CDH4: variants seen among roughly 807,000 people sequenced by gnomAD.
CDH4 encodes cadherin-4.
Under a neutral mutation model 86.0 loss-of-function variants are expected in CDH4, and 33 were observed. The ratio of observed to expected loss-of-function variants is 0.38; its 90% CI spans 0.29 to 0.51. The LOEUF (loss-of-function observed/expected upper bound fraction) is 0.51, where lower values mean the gene tolerates loss of function less well. Among genes scored for constraint, CDH4 ranks in the 20% least tolerant of loss-of-function variants. CDH4 has a pLI of 0.86. For missense variants in CDH4, 1,114 were observed against 1,307.4 expected (o/e 0.85, Z 2.28); for synonymous variants, 555 against 549.4 (o/e 1.01, Z -0.14).
In CDH4 at chr20:61,923,587, C is replaced by T; in HGVS notation, c.1511C>T (p.Ala504Val). Residue 504 changes from alanine to valine, a missense_variant, in exon 10 of 16, where the codon GCT (alanine) becomes GTT (valine). This residue lies in a region of CDH4 where 705 missense variants were observed against 914.1 expected (regional missense o/e 0.77). Coordinates refer to ENST00000614565, the MANE Select transcript of CDH4 (RefSeq NM_001794.5). The stretch of plus-strand genomic sequence containing the variant: ...ATCTCCATCATGGACATCAACGAGG[C>T]TCCCTACTTCCCCTCAAACCACAAG... Reference protein sequence around the residue: ...VTISIMDINEAPYFPSNHKLI... With the variant: ...VTISIMDINEVPYFPSNHKLI... 1.2e-6 allele frequency: 2 copies of T among 1,614,194 alleles called. No homozygotes were observed. Among genetic ancestry groups the T allele is most frequent in the Non-Finnish European group, 1.7e-6 (2 of 1,180,034 alleles).
intron 2 of CDH4, among the ~76,000 whole-genome samples, chr20:61,418,726 C>T (rs568511103): frequency 4.6e-5 from 7 of 152,172 alleles, no homozygotes; most frequent in African/African-American, 1.7e-4. Context: ...GTCTGGAGGC[C>T]GGAAGCCTGA....
chr20:61,734,459 G>A (rs756378138), intron 2 of CDH4, among the ~76,000 whole-genome samples: 24 of 152,242 alleles, frequency 1.6e-4, no homozygotes, highest in Admixed American at 6.5e-5. Flanking sequence ...GTGGCAGTGC[G>A]CTTGTGACAT....
intron 11 of CDH4, among the ~76,000 whole-genome samples, chr20:61,925,256 T>C (rs1011917902): frequency 1.3e-5 from 2 of 152,154 alleles, no homozygotes; most frequent in Admixed American, 6.6e-5. Flanking sequence ...GGACCTGCAG[T>C]AACCCTGCGA....
At chr20:61,766,657 G>A (rs866286803) in intron 3 of CDH4, among the ~76,000 whole-genome samples, 69 of 152,230 alleles carry the variant, frequency 4.5e-4, no homozygotes, top group African/African-American at 1.4e-3. Flanking sequence ...CATGCTCCAC[G>A]CAGCTCTGTT....
chr20:61,906,068 T>C (rs1051890939), intron 8 of CDH4, among the ~76,000 whole-genome samples: 2 of 152,304 alleles, frequency 1.3e-5, no homozygotes, highest in East Asian at 3.9e-4. Flanking sequence ...GTGGTTACCA[T>C]GCCCAGGCCA....
chr20:61,753,775 A>G (rs1315287357), intron 3 of CDH4, among the ~76,000 whole-genome samples: 1 of 152,190 alleles, frequency 6.6e-6, no homozygotes, highest in African/African-American at 2.4e-5. Context: ...CGGCCGAGCA[A>G]TGTCCCACGG....
chr20:61,291,276 G>A (rs1482473891), intron 2 of CDH4, among the ~76,000 whole-genome samples: 2 of 152,238 alleles, frequency 1.3e-5, no homozygotes, highest in African/African-American at 2.4e-5. Flanking sequence ...GGTCTTTGCA[G>A]TTGTGATTAA....
intron 2 of CDH4, among the ~76,000 whole-genome samples, chr20:61,412,305 CA>C (rs2085124001): frequency 6.6e-6 from 1 of 152,192 alleles, no homozygotes; most frequent in South Asian, 2.1e-4. Context: ...GCCGTCTGTG[CA>C]GTCCCTCCCT....
rs6061583 is a variant in CDH4 at position 61,381,670 on chromosome 20, C to T, written c.169+126733C>T. Among the ~76,000 whole-genome samples the T allele has an allele frequency of 2.0e-5, 3 of 151,854 alleles. No homozygotes were observed. The South Asian group carries it at 6.2e-4, about 32-fold the overall frequency. ...GAAGATTTGAGCCACCAGTTAACCC[C>T]CCCACCTAAGGAATATCAATTACTC... is the stretch of plus-strand genomic sequence containing the variant. On this transcript the variant is annotated intron_variant, in intron 2 of 15. Transcript: ENST00000614565.
intron 2 of CDH4, among the ~76,000 whole-genome samples, chr20:61,296,610 T>C (rs934825274): frequency 6.6e-6 from 1 of 152,156 alleles, no homozygotes; most frequent in Non-Finnish European, 1.5e-5. Context: ...GTAAATGTTA[T>C]CGATACAATT....
At chr20:61,881,306 T>C (rs1984264920) in intron 7 of CDH4, among the ~76,000 whole-genome samples, 1 of 152,220 alleles carries the variant, frequency 6.6e-6, no homozygotes, top group Non-Finnish European at 1.5e-5. Context: ...ACGATGGCCA[T>C]GGAGTCTGAG....
intron 2 of CDH4, among the ~76,000 whole-genome samples, chr20:61,618,893 G>T (rs888558970): frequency 1.3e-5 from 2 of 152,170 alleles, no homozygotes; most frequent in Non-Finnish European, 2.9e-5. Flanking sequence ...TCTGAAATTG[G>T]AGCCAAGAAG....
chr20:61,385,559 T>C (rs944994473), intron 2 of CDH4, among the ~76,000 whole-genome samples: 1 of 152,076 alleles, frequency 6.6e-6, no homozygotes, highest in Non-Finnish European at 1.5e-5. Flanking sequence ...CCTGCCTGCG[T>C]TGGTTCAAAT....
chr20:61,516,516 C>T lies in CDH4; in HGVS notation c.170-227047C>T, dbSNP rs1048536983. Among the ~76,000 whole-genome samples the T allele has an allele frequency of 1.3e-5, 2 of 152,322 alleles. No individual in the cohort carries two copies. Among genetic ancestry groups the T allele is most frequent in the Non-Finnish European group, 2.9e-5 (2 of 68,028 alleles). ...ATGTCCATGTTGGGGAGTCTAACGG[C>T]AGGTTCTCACCGCCCTGGAAACTAC... On this transcript the variant is annotated intron_variant, in intron 2 of 15. Coordinates refer to ENST00000614565, the MANE Select transcript of CDH4 (RefSeq NM_001794.5). This position sits in a 1 kb window ranked among gnomAD's most constrained non-coding sequence, Gnocchi z 4.0.
At chr20:61,887,859 G>A (rs959914149) in intron 7 of CDH4, among the ~76,000 whole-genome samples, 1 of 152,164 alleles carries the variant, frequency 6.6e-6, no homozygotes, top group Non-Finnish European at 1.5e-5. Context: ...AAATAAACAT[G>A]TAGCTGAGAG....
rs183589405 is a variant in CDH4, at chr20:61,884,144, A to G, written c.1050+10244A>G. Among the ~76,000 whole-genome samples the G allele has an allele frequency of 3.1e-3, 469 of 152,114 alleles. 4 individuals are homozygous for G. The highest frequency in any genetic ancestry group is 0.011 in the African/African-American group (446 of 41,502). On this transcript the variant is annotated intron_variant, in intron 7 of 15. Coordinates refer to ENST00000614565, the MANE Select transcript of CDH4 (RefSeq NM_001794.5). ...AAACCTGGCTGTAGAGTGAGAGGGG[A>G]GGGTCTGCTGGAGTTGGGCTTGTGG...
intron 2 of CDH4, among the ~76,000 whole-genome samples, chr20:61,566,264 A>C (rs1462398938): frequency 6.6e-6 from 1 of 152,182 alleles, no homozygotes; most frequent in African/African-American, 2.4e-5. Flanking sequence ...CTTTTTAAGG[A>C]AAGCAGATTG....
chr20:61,826,745 GC>G (rs35144742), intron 4 of CDH4, among the ~76,000 whole-genome samples: 1 of 152,120 alleles, frequency 6.6e-6, no homozygotes, highest in Admixed American at 6.5e-5. Flanking sequence ...CCCGTTGATG[GC>G]CTAGGATAGC....
intron 2 of CDH4, among the ~76,000 whole-genome samples, chr20:61,366,040 T>G (rs2084809412): frequency 6.6e-6 from 1 of 152,170 alleles, no homozygotes; most frequent in Admixed American, 6.5e-5. Context: ...GGGGATGTGA[T>G]AATGGTTTTC....
Sources: gnomAD v4.1 joint callset for allele counts (sites outside exome capture counted in the v4.1 genomes callset) on GRCh38, gnomAD v4.1.1 for gene constraint, gnomAD v4.1.1 regional missense constraint, Gnocchi (gnomAD v3.1) non-coding constraint, MANE v1.5 for transcripts, NCBI Gene and HGNC (gene_info 2026-07-23, HGNC 2026-07-21) for gene names.